UBXN4: variants seen among roughly 807,000 people sequenced by gnomAD.
UBXN4 encodes UBX domain protein 4.
Under a neutral mutation model 66.2 loss-of-function variants are expected in UBXN4, and 35 were observed. The ratio of observed to expected loss-of-function variants is 0.53; its 90% confidence interval spans 0.40 to 0.70. The LOEUF (loss-of-function observed/expected upper bound fraction) is 0.70, where lower values mean the gene tolerates loss of function less well. UBXN4 is among the 30% of genes least tolerant of loss of function. The pLI is 0.00. For synonymous variants in UBXN4, 203 were observed against 204.5 expected (o/e 0.99, Z 0.06); for missense variants, 533 against 599.8 (o/e 0.89, Z 1.16).
intron 5 of UBXN4, among the ~76,000 whole-genome samples, chr2:135,758,947 C>T (rs1185348896): frequency 6.6e-6 from 1 of 152,008 alleles, no homozygotes; most frequent in Non-Finnish European, 1.5e-5. Context: ...TTAGTAGAGA[C>T]GGGGTTTCAC....
intron 4 of UBXN4, 52 bp downstream of exon 4, chr2:135,754,329 T>C (rs1279139328): frequency 9.1e-6 from 8 of 879,510 alleles, no homozygotes; most frequent in African/African-American, 4.4e-5. Context: ...AGGAATTGGA[T>C]TTTTTTTTTT....
rs549461857 is a variant in UBXN4, at chr2:135,766,645, A to G, written c.603-3124A>G. ...ATTCAGGTTAAACTCTGATAAGAAC[A>G]TTACCAAGATAATGTTTTGTCCTTT... is the stretch of plus-strand genomic sequence containing the variant. On this transcript the variant is annotated intron_variant, in intron 6 of 12. Transcript: ENST00000272638. 6.6e-5 allele frequency among the ~76,000 whole-genome samples: 10 copies of G among 152,368 alleles called. No homozygotes were observed. The South Asian group carries it at 2.1e-3, about 32-fold the overall frequency.
chr2:135,742,921 CAT>C (rs1437857040), intron 1 of UBXN4, among the ~76,000 whole-genome samples: 2 of 152,134 alleles, frequency 1.3e-5, no homozygotes, highest in East Asian at 1.9e-4. Context: ...TTTATTAACT[CAT>C]ATATTCTCTG....
At chr2:135,781,548 T>A (rs149641475) in intron 12 of UBXN4, among the ~76,000 whole-genome samples, 124 of 152,304 alleles carry the variant, frequency 8.1e-4, no homozygotes, top group African/African-American at 2.9e-3. Flanking sequence ...GTCATGTGTT[T>A]ATGGATTCCA....
intron 10 of UBXN4, among the ~76,000 whole-genome samples, chr2:135,777,514 C>T (rs1332406341): frequency 6.6e-6 from 1 of 152,182 alleles, no homozygotes; most frequent in Non-Finnish European, 1.5e-5. Flanking sequence ...CACAATGTGT[C>T]CCCTGTCCTG....
chr2:135,779,009 C>T lies in UBXN4; in HGVS notation c.1115C>T (p.Thr372Ile), dbSNP rs2077434484. Residue 372 changes from threonine (T) to isoleucine (I), a missense_variant, in exon 11 of 13, where the codon ACC (threonine) becomes ATC (isoleucine). Physicochemically the swap from Thr to Ile is moderately conservative, Grantham distance 89. Coordinates refer to ENST00000272638, the MANE Select transcript of UBXN4 (RefSeq NM_014607.4). ...LATMFPRREF[T>I]KEDYKKKLLD... ...ACCATGTTTCCCAGGAGGGAATTTA[C>T]CAAAGAAGATTATAAAAAGAAGTTA... 1 of 1,613,500 alleles carries T rather than the reference C, an allele frequency of 6.2e-7. No homozygotes were observed. Among genetic ancestry groups the T allele is most frequent in the Non-Finnish European group, 8.5e-7 (1 of 1,179,806 alleles).
intron 1 of UBXN4, chr2:135,747,542 T>G (rs2077216261): frequency 2.2e-6 from 1 of 448,954 alleles, no homozygotes; most frequent in Middle Eastern, 3.4e-4. Context: ...TACCTGCCTC[T>G]GTCTACCTTG....
At chr2:135,762,771 A>G (rs1237491899) in intron 6 of UBXN4, among the ~76,000 whole-genome samples, 1 of 152,192 alleles carries the variant, frequency 6.6e-6, no homozygotes, top group African/African-American at 2.4e-5. Context: ...ATAAGCCTAG[A>G]AGAATAGCAG....
In UBXN4 at chr2:135,754,152, T is replaced by C; in HGVS notation, c.215-7T>C. On this transcript the variant is annotated splice_polypyrimidine_tract_variant and splice_region_variant and intron_variant, in intron 3 of 12. Coordinates refer to ENST00000272638, the MANE Select transcript of UBXN4 (RefSeq NM_014607.4). ...CATGAATTGTTAGACTTCATTAAACTGTACAGATCCTGTAGTGTGTGTTCC... is the reference window on the plus strand; with the variant it reads ...CATGAATTGTTAGACTTCATTAAACCGTACAGATCCTGTAGTGTGTGTTCC... 2 of 1,597,694 alleles carry C rather than the reference T, an allele frequency of 1.3e-6. No individual in the cohort carries two copies. The highest frequency in any genetic ancestry group is 1.7e-6 in the Non-Finnish European group (2 of 1,168,836).
At chr2:135,750,183 A>C (rs1484034901) in intron 2 of UBXN4, among the ~76,000 whole-genome samples, 1 of 152,136 alleles carries the variant, frequency 6.6e-6, no homozygotes, top group South Asian at 2.1e-4. Context: ...TATGTTGCCC[A>C]GGCTGGTCTT....
At chr2:135,754,421 C>T (rs572020963) in intron 4 of UBXN4, 144 bp downstream of exon 4, 43 of 619,726 alleles carry the variant, frequency 6.9e-5, no homozygotes, top group Non-Finnish European at 1.1e-4. Context: ...CTCCCAGGTT[C>T]AAGTGATTCT....
At chr2:135,779,222 T>C (rs951455422) in intron 11 of UBXN4, 143 bp downstream of exon 11, 2 of 882,250 alleles carry the variant, frequency 2.3e-6, no homozygotes, top group African/African-American at 1.7e-5. Flanking sequence ...TAGATGAATT[T>C]ATAATTCCAT....
At chr2:135,751,247 C>T (rs1479710088) in intron 2 of UBXN4, among the ~76,000 whole-genome samples, 5 of 151,174 alleles carry the variant, frequency 3.3e-5, no homozygotes, top group East Asian at 1.9e-4. Context: ...AGTGCAGTAA[C>T]GTGATCTTGG....
intron 1 of UBXN4, among the ~76,000 whole-genome samples, chr2:135,745,875 CTTTTTT>C (rs59946844): frequency 4.4e-4 from 33 of 74,398 alleles, no homozygotes; most frequent in Non-Finnish European, 5.4e-4. Flanking sequence ...GTCCCGTTTA[CTTTTTT>C]TTTTTTTTTT....
intron 5 of UBXN4, 82 bp from the exon 6 acceptor site, chr2:135,761,734 CAG>C: frequency 7.8e-6 from 9 of 1,153,014 alleles, no homozygotes; most frequent in Non-Finnish European, 1.1e-5. Flanking sequence ...AAATTATTAA[CAG>C]ATGCTATAAT....
chr2:135,778,588 G>T (rs373295559), intron 10 of UBXN4, among the ~76,000 whole-genome samples: 1 of 152,216 alleles, frequency 6.6e-6, no homozygotes, highest in Non-Finnish European at 1.5e-5. Context: ...TAATCCAAAT[G>T]TGTGTTCATG....
intron 5 of UBXN4, among the ~76,000 whole-genome samples, chr2:135,756,980 A>G (rs2105496998): frequency 6.6e-6 from 1 of 151,974 alleles, no homozygotes; most frequent in Admixed American, 6.6e-5. Context: ...TGCTTTCAGG[A>G]TTTCTTTCTT....
chr2:135,745,479 A>T (rs2077201689), intron 1 of UBXN4, among the ~76,000 whole-genome samples: 1 of 152,222 alleles, frequency 6.6e-6, no homozygotes, highest in South Asian at 2.1e-4. Flanking sequence ...TTGTTTAAAA[A>T]TTTTGTATAC....
At chr2:135,742,743 G>C (rs2077184075) in intron 1 of UBXN4, 1 of 152,058 alleles carries the variant, frequency 6.6e-6, no homozygotes, top group Non-Finnish European at 1.5e-5. Context: ...AAACTTTTGA[G>C]CTGAATAGAG....
Sources: allele counts gnomAD v4.1 joint callset (sites outside exome capture counted in the v4.1 genomes callset), GRCh38; gene constraint gnomAD v4.1.1; transcripts MANE v1.5; gene names NCBI Gene and HGNC (gene_info 2026-07-23, HGNC 2026-07-21).